SLC14A2: variants seen among roughly 807,000 people sequenced by gnomAD.
The protein encoded by SLC14A2 is solute carrier family 14 member 2, also known as urea transporter 2.
A neutral mutation model predicts 104.6 loss-of-function variants in SLC14A2; 91 were observed. The observed-to-expected ratio is 0.87, with a 90% CI of 0.73 to 1.04. The LOEUF (loss-of-function observed/expected upper bound fraction) is 1.04, where lower values mean the gene tolerates loss of function less well. Among genes scored for constraint, SLC14A2 ranks in the 50% least tolerant of loss-of-function variants. The pLI is 0.00. For synonymous variants in SLC14A2, 476 were observed against 466.4 expected (o/e 1.02, Z -0.27); for missense variants, 1,189 against 1,156.0 (o/e 1.03, Z -0.41).
At chr18:45,224,817 A>G (rs2084097847) in intron 1 of SLC14A2, among the ~76,000 whole-genome samples, 1 of 152,176 alleles carries the variant, frequency 6.6e-6, no homozygotes, top group African/African-American at 2.4e-5. Context: ...TCAGGTTTGT[A>G]TCCATTATAG....
intron 1 of SLC14A2, among the ~76,000 whole-genome samples, chr18:45,295,291 A>C (rs1041250790): frequency 6.7e-6 from 1 of 148,780 alleles, no homozygotes; most frequent in Non-Finnish European, 1.5e-5. Flanking sequence ...ATTAATATAC[A>C]TTTTTAAAGC....
chr18:45,424,715 GAAGGT>G (rs2086399848), intron 1 of SLC14A2, among the ~76,000 whole-genome samples: 1 of 152,338 alleles, frequency 6.6e-6, no homozygotes, highest in Admixed American at 6.5e-5. Flanking sequence ...GAAGCTCCAA[GAAGGT>G]AAGAGACTTT....
At chr18:45,596,525 C>CT (rs982054458) in intron 2 of SLC14A2, among the ~76,000 whole-genome samples, 3 of 152,202 alleles carry the variant, frequency 2.0e-5, no homozygotes, top group African/African-American at 7.2e-5. Flanking sequence ...AAAGTGAGGT[C>CT]TGTAGGGCTA....
upstream of SLC14A2, among the ~76,000 whole-genome samples, chr18:45,208,539 A>G (rs1452282327): frequency 2.6e-5 from 4 of 152,146 alleles, no homozygotes; most frequent in Admixed American, 6.5e-5. Flanking sequence ...AAGAAGGGAG[A>G]AGGAGAGACG....
At chr18:45,226,683 G>A (rs894424073) in intron 1 of SLC14A2, among the ~76,000 whole-genome samples, 3 of 121,516 alleles carry the variant, frequency 2.5e-5, no homozygotes, top group Admixed American at 1.8e-4. Flanking sequence ...GGGGGAGGGG[G>A]GAGGGATAGC....
intron 2 of SLC14A2, among the ~76,000 whole-genome samples, chr18:45,540,912 G>T (rs1332999413): frequency 1.3e-5 from 2 of 152,096 alleles, no homozygotes; most frequent in African/African-American, 4.8e-5. Flanking sequence ...AAGAATCAAG[G>T]ATTCCATTGG....
At chr18:45,192,838 A>G in the SLC14A2 span, among the ~76,000 whole-genome samples, 4 of 151,868 alleles carry the variant, frequency 2.6e-5, no homozygotes, top group Admixed American at 6.6e-5. Context: ...TTGTATTTTT[A>G]GTAGAGACGG....
rs777100054 is a variant in SLC14A2 at position 45,625,790 on chromosome 18, A to G, written c.258A>G (p.Gln86=). The G allele has an allele frequency of 6.5e-7, 1 of 1,550,134 alleles. No individual in the cohort carries two copies. The change falls in exon 3 of 20, where the codon CAA becomes CAG. Residue 86 remains glutamine, a synonymous_variant. Coordinates refer to ENST00000255226, the MANE Select transcript of SLC14A2 (RefSeq NM_007163.4). ...DGVAHRDSAG[Q]RCICLSKAVG... is the part of the protein sequence containing the mutation. Reference sequence around the variant, plus strand: ...TGGCCCATCGGGACTCAGCAGGCCAAAGGTGCATCTGCCTCTCCAAAGCAG... The same window carrying G: ...TGGCCCATCGGGACTCAGCAGGCCAGAGGTGCATCTGCCTCTCCAAAGCAG...
chr18:45,584,404 T>G (rs1387864442), intron 2 of SLC14A2, among the ~76,000 whole-genome samples: 1 of 152,196 alleles, frequency 6.6e-6, no homozygotes, highest in Non-Finnish European at 1.5e-5. Flanking sequence ...TTACCACATA[T>G]TCTTTCCGGC....
chr18:45,563,304 T>C (rs868350631), intron 2 of SLC14A2, among the ~76,000 whole-genome samples: 2 of 152,076 alleles, frequency 1.3e-5, no homozygotes, highest in South Asian at 2.1e-4. Flanking sequence ...GGCCAAAGAG[T>C]GCTGTGACCG....
intron 1 of SLC14A2, among the ~76,000 whole-genome samples, chr18:45,478,353 G>A (rs907776998): frequency 1.8e-4 from 28 of 152,262 alleles, no homozygotes; most frequent in Middle Eastern, 6.8e-3. Context: ...GCTGGGTACC[G>A]CAGTTGGAAA....
At chr18:45,672,873 G>A in intron 16 of SLC14A2, 27 bp from the exon 17 acceptor site, 2 of 1,601,138 alleles carry the variant, frequency 1.2e-6, no homozygotes, top group Non-Finnish European at 8.5e-7. Flanking sequence ...CCTCCATAAT[G>A]AGCATGTAAT....
At chr18:45,541,456 G>A (rs903732355) in intron 2 of SLC14A2, among the ~76,000 whole-genome samples, 9 of 152,230 alleles carry the variant, frequency 5.9e-5, no homozygotes, top group African/African-American at 1.7e-4. Flanking sequence ...GCTTACAGAC[G>A]TCAGCTTTGC....
intron 1 of SLC14A2, among the ~76,000 whole-genome samples, chr18:45,283,437 T>A (rs2084783094): frequency 7.2e-6 from 1 of 139,826 alleles, no homozygotes; most frequent in Non-Finnish European, 1.5e-5. Context: ...GCAGGGCACA[T>A]GAGAGAAATT....
chr18:45,409,126 C>G (rs2086187192), intron 1 of SLC14A2, among the ~76,000 whole-genome samples: 1 of 152,180 alleles, frequency 6.6e-6, no homozygotes, highest in Non-Finnish European at 1.5e-5. Flanking sequence ...CTTGGACTGA[C>G]AAGTCCTGCT....
chr18:45,426,396 C>T (rs1488720080), intron 1 of SLC14A2, among the ~76,000 whole-genome samples: 4 of 151,844 alleles, frequency 2.6e-5, no homozygotes, highest in African/African-American at 9.7e-5. Flanking sequence ...AGAAGACATG[C>T]CTCCTTCAGC....
At chr18:45,566,527 A>G (rs1016698501) in intron 2 of SLC14A2, among the ~76,000 whole-genome samples, 12 of 148,240 alleles carry the variant, frequency 8.1e-5, no homozygotes, top group South Asian at 4.2e-4. Flanking sequence ...ACACACACAC[A>G]CACACACACA....
chr18:45,214,502 C>T (rs2083990314), intron 1 of SLC14A2, among the ~76,000 whole-genome samples: 2 of 152,178 alleles, frequency 1.3e-5, no homozygotes, highest in Non-Finnish European at 2.9e-5. Flanking sequence ...CTCAGTTCTG[C>T]TGCCTTTGTT....
chr18:45,287,443 T>C (rs2084825772), intron 1 of SLC14A2, among the ~76,000 whole-genome samples: 2 of 152,224 alleles, frequency 1.3e-5, no homozygotes, highest in South Asian at 4.1e-4. Context: ...GGCCTTCATG[T>C]GAAGAGCAGC....
Sources: gnomAD v4.1 joint callset for allele counts (sites outside exome capture counted in the v4.1 genomes callset) on GRCh38, gnomAD v4.1.1 for gene constraint, MANE v1.5 for transcripts, NCBI Gene and HGNC (gene_info 2026-07-23, HGNC 2026-07-21) for gene names.